The following PTPRD variants were observed in gnomAD, a reference collection of about 807,000 sequenced individuals.
PTPRD encodes the protein protein tyrosine phosphatase receptor type D.
A neutral mutation model predicts 214.5 loss-of-function variants in PTPRD; 34 were observed. The observed-to-expected ratio is 0.16, with a 90% CI of 0.12 to 0.21. The LOEUF (loss-of-function observed/expected upper bound fraction) is 0.21, where lower values mean the gene tolerates loss of function less well. Among genes scored for constraint, PTPRD ranks in the 10% least tolerant of loss-of-function variants. The probability of loss-of-function intolerance (pLI) is 1.00; values close to 1 mark genes in which losing one functional copy is unlikely to be tolerated. For synonymous variants in PTPRD, 1,128 were observed against 845.7 expected (o/e 1.33, Z -5.79); for missense variants, 2,545 against 2,398.7 (o/e 1.06, Z -1.27).
chr9:9,115,919 G>A (rs187670765), intron 10 of PTPRD, among the ~76,000 whole-genome samples: 10 of 152,250 alleles, frequency 6.6e-5, no homozygotes, highest in African/African-American at 2.2e-4. Flanking sequence ...ATCCTTTGCA[G>A]CAACATGTGT....
At chr9:8,860,902 C>T (rs2098090078) in intron 11 of PTPRD, 1 of 152,206 alleles carries the variant, frequency 6.6e-6, no homozygotes, top group East Asian at 1.9e-4. Context: ...ATCATCACCT[C>T]CACATTCTGG....
At chr9:9,557,987 C>G (rs1025761203) in intron 8 of PTPRD, among the ~76,000 whole-genome samples, 1 of 152,188 alleles carries the variant, frequency 6.6e-6, no homozygotes, top group East Asian at 1.9e-4. Flanking sequence ...GAGCCAGCAG[C>G]CTGCATGCAC....
At position 10,041,030 on chromosome 9, in the gene PTPRD, G is replaced by A. The variant is rs150106593; in HGVS notation, c.-544-7240C>T. Among the ~76,000 whole-genome samples the A allele has an allele frequency of 4.2e-3, 633 of 152,006 alleles. 8 individuals carry two copies. Among genetic ancestry groups the A allele is most frequent in the African/African-American group, 0.014 (586 of 41,530 alleles). On this transcript the variant is annotated intron_variant, in intron 3 of 45. Transcript: ENST00000381196. ...TGTTTTTCATTTGCTTAAAGTAAAT[G>A]TATTTCACTGTTTTTGAAAAACAAG...
chr9:9,829,616 C>A (rs2054143422), intron 5 of PTPRD, among the ~76,000 whole-genome samples: 1 of 151,790 alleles, frequency 6.6e-6, no homozygotes, highest in African/African-American at 2.4e-5. Context: ...ATCAATGTGA[C>A]ATGTTTTTCC....
At chr9:8,817,733 T>A (rs1400625448) in intron 11 of PTPRD, among the ~76,000 whole-genome samples, 3 of 152,210 alleles carry the variant, frequency 2.0e-5, no homozygotes, top group African/African-American at 7.2e-5. Context: ...GCATACTGAT[T>A]ATGGGAGTTG....
chr9:9,182,663 T>G (rs1446011983), intron 10 of PTPRD, among the ~76,000 whole-genome samples: 1 of 152,004 alleles, frequency 6.6e-6, no homozygotes, highest in Non-Finnish European at 1.5e-5. Context: ...CAAAAAGTAT[T>G]ATTATGGTAG....
intron 14 of PTPRD, among the ~76,000 whole-genome samples, chr9:8,548,875 G>A (rs969254573): frequency 6.6e-6 from 1 of 151,568 alleles, no homozygotes; most frequent in Admixed American, 6.6e-5. Context: ...TGTATTTTTA[G>A]TAGAGACGGG....
chr9:8,725,662 A>T (rs1008732161), intron 12 of PTPRD, among the ~76,000 whole-genome samples: 1 of 152,208 alleles, frequency 6.6e-6, no homozygotes, highest in African/African-American at 2.4e-5. Flanking sequence ...TAATCCTATT[A>T]TTCAAAATGC....
chr9:9,420,820 A>G (rs1371053414), intron 8 of PTPRD, among the ~76,000 whole-genome samples: 1 of 151,990 alleles, frequency 6.6e-6, no homozygotes, highest in Middle Eastern at 3.2e-3. Context: ...ACCAAATAGC[A>G]GTGATTTCAC....
intron 14 of PTPRD, among the ~76,000 whole-genome samples, chr9:8,576,839 G>C (rs2092440685): frequency 6.6e-6 from 1 of 152,030 alleles, no homozygotes; most frequent in Non-Finnish European, 1.5e-5. Flanking sequence ...AAGCATCTTT[G>C]GTGACTCTCT....
intron 3 of PTPRD, among the ~76,000 whole-genome samples, chr9:10,207,023 A>T (rs749538714): frequency 1.3e-5 from 2 of 152,184 alleles, no homozygotes; most frequent in Non-Finnish European, 2.9e-5. Flanking sequence ...TAATGCACCA[A>T]ACTTAAGTAT....
chr9:9,869,023 G>A (rs556699327), intron 5 of PTPRD, among the ~76,000 whole-genome samples: 3 of 152,158 alleles, frequency 2.0e-5, no homozygotes, highest in African/African-American at 7.2e-5. Flanking sequence ...GGCATAATTT[G>A]AGAATATGGT....
chr9:10,422,661 T>C (rs2098556203), intron 2 of PTPRD, among the ~76,000 whole-genome samples: 1 of 151,954 alleles, frequency 6.6e-6, no homozygotes, highest in African/African-American at 2.4e-5. Flanking sequence ...AACACACACT[T>C]CTGAAAAGAA....
intron 14 of PTPRD, among the ~76,000 whole-genome samples, chr9:8,603,254 GA>G (rs2094977526): frequency 7.3e-6 from 1 of 136,552 alleles, no homozygotes; most frequent in African/African-American, 2.9e-5. Context: ...ATCAGCTGGG[GA>G]ACTACAAGGC....
At chr9:10,164,215 T>G (rs1056854113) in intron 3 of PTPRD, among the ~76,000 whole-genome samples, 15 of 151,588 alleles carry the variant, frequency 9.9e-5, no homozygotes, top group Non-Finnish European at 1.9e-4. Context: ...CTTCAGGTTT[T>G]CATTTCCACA....
chr9:10,589,788 G>C (rs1303126319), intron 2 of PTPRD, among the ~76,000 whole-genome samples: 2 of 151,990 alleles, frequency 1.3e-5, no homozygotes, highest in Non-Finnish European at 2.9e-5. Flanking sequence ...CATTAGAGGA[G>C]GTCAAGTGAT....
chr9:9,104,404 G>C (rs2099795611), intron 10 of PTPRD, among the ~76,000 whole-genome samples: 1 of 152,186 alleles, frequency 6.6e-6, no homozygotes, highest in African/African-American at 2.4e-5. Flanking sequence ...GATGGCTTTA[G>C]CCAACAGATA....
intron 10 of PTPRD, among the ~76,000 whole-genome samples, chr9:9,073,273 A>C (rs1460953154): frequency 6.6e-6 from 1 of 152,238 alleles, no homozygotes; most frequent in Non-Finnish European, 1.5e-5. Context: ...TATCAGAGTC[A>C]TAAGCTTGTG....
chr9:10,099,533 G>T (rs951711438), intron 3 of PTPRD, among the ~76,000 whole-genome samples: 2 of 151,688 alleles, frequency 1.3e-5, no homozygotes, highest in African/African-American at 4.8e-5. Context: ...TGTGAAATTT[G>T]CAATTAACTG....
Sources: gnomAD v4.1 joint callset for allele counts (sites outside exome capture counted in the v4.1 genomes callset) on GRCh38, gnomAD v4.1.1 for gene constraint, MANE v1.5 for transcripts, NCBI Gene and HGNC (gene_info 2026-07-23, HGNC 2026-07-21) for gene names.